The following TTLL11 variants were observed in gnomAD, a reference collection of about 807,000 sequenced individuals.
TTLL11 encodes the protein tubulin polyglutamylase TTLL11.
A neutral mutation model predicts 51.7 loss-of-function variants in TTLL11; 42 were observed. That is an observed-to-expected ratio of 0.81 (90% CI 0.64 to 1.05). TTLL11 has a LOEUF of 1.05. Among genes scored for constraint, TTLL11 ranks in the 50% least tolerant of loss-of-function variants. TTLL11 has a pLI of 0.00. For synonymous variants in TTLL11, 381 were observed against 383.5 expected (o/e 0.99, Z 0.08); for missense variants, 799 against 940.4 (o/e 0.85, Z 1.97).
At chr9:122,032,028 C>A (rs1379370483) in intron 2 of TTLL11, among the ~76,000 whole-genome samples, 172 bp from the exon 3 acceptor site, 3 of 152,184 alleles carry the variant, frequency 2.0e-5, no homozygotes, top group Non-Finnish European at 4.4e-5. Flanking sequence ...TTGGAAAGAA[C>A]TACTGAGTTA....
chr9:122,066,503 GTGA>G (rs978562413), intron 1 of TTLL11, among the ~76,000 whole-genome samples: 4 of 152,118 alleles, frequency 2.6e-5, no homozygotes, highest in Admixed American at 2.6e-4. Flanking sequence ...AGAGCTGACT[GTGA>G]AGACAGGACT....
chr9:121,845,588 C>T (rs1275576711), intron 8 of TTLL11, among the ~76,000 whole-genome samples: 2 of 152,004 alleles, frequency 1.3e-5, no homozygotes, highest in Non-Finnish European at 2.9e-5. Context: ...GTGATTATAG[C>T]TTGGGGATAA....
At chr9:121,948,801 C>T (rs75894540) in intron 6 of TTLL11, among the ~76,000 whole-genome samples, 2,742 of 152,254 alleles carry the variant, frequency 0.018, 88 homozygotes, top group African/African-American at 0.063. Context: ...TGCATGGCTA[C>T]TCAGGGGTCA....
chr9:121,861,084 AGT>A (rs1404953023), intron 7 of TTLL11, among the ~76,000 whole-genome samples: 2 of 122,814 alleles, frequency 1.6e-5, no homozygotes, highest in Non-Finnish European at 3.3e-5. Context: ...AAGCAAGGCA[AGT>A]GTTTTTTTTT....
chr9:121,826,521 A>ATATGTGTGTGTG (rs1836792144), intron 8 of TTLL11, among the ~76,000 whole-genome samples: 2 of 62,446 alleles, frequency 3.2e-5, no homozygotes, highest in Non-Finnish European at 6.4e-5. Context: ...ATATGTATAT[A>ATATGTGTGTGTG]TATATATGTG....
At chr9:122,006,793 C>G (rs1843660752) in intron 3 of TTLL11, among the ~76,000 whole-genome samples, 1 of 151,912 alleles carries the variant, frequency 6.6e-6, no homozygotes, top group Non-Finnish European at 1.5e-5. Context: ...CAAGACCAGC[C>G]TGGCCATCAT....
At chr9:121,936,950 C>T (rs536762903) in intron 6 of TTLL11, among the ~76,000 whole-genome samples, 2 of 152,292 alleles carry the variant, frequency 1.3e-5, no homozygotes, top group South Asian at 2.1e-4. Flanking sequence ...GCTGTTTCTC[C>T]AGGTCTTTGA....
chr9:121,902,224 T>A (rs1200528400), intron 6 of TTLL11, among the ~76,000 whole-genome samples: 1 of 152,196 alleles, frequency 6.6e-6, no homozygotes, highest in East Asian at 1.9e-4. Flanking sequence ...CTATATAAAA[T>A]AGATCCTCCG....
chr9:121,953,982 A>C, intron 6 of TTLL11, among the ~76,000 whole-genome samples: 1 of 152,208 alleles, frequency 6.6e-6, no homozygotes, highest in East Asian at 1.9e-4. Context: ...AGTCAAGCCC[A>C]AGCCCTTGCT....
At position 121,820,034 on chromosome 9, in the gene TTLL11, T is replaced by G. The variant is rs1588045717; in HGVS notation, c.*2553A>C. Among the ~76,000 whole-genome samples the G allele has an allele frequency of 6.6e-6, 1 of 151,920 alleles. No homozygotes were observed. On this transcript the variant is annotated 3_prime_UTR_variant, in exon 9 of 9. Transcript: ENST00000321582. ...GGAGGCTCTGTGCCCTGCGGGTGGG[T>G]GGGGCTATCGGGGCCTTGTCTGCAG...
At chr9:121,979,140 C>T (rs986483869) in intron 4 of TTLL11, among the ~76,000 whole-genome samples, 3 of 152,194 alleles carry the variant, frequency 2.0e-5, no homozygotes, top group Non-Finnish European at 2.9e-5. Flanking sequence ...AGGGAGGCCA[C>T]CTGCCATATT....
chr9:122,053,663 G>T (rs1055574927), intron 1 of TTLL11, among the ~76,000 whole-genome samples: 23 of 152,148 alleles, frequency 1.5e-4, no homozygotes, highest in African/African-American at 5.6e-4. Flanking sequence ...TGGGGACTGG[G>T]CCCAGAAAAA....
chr9:121,826,981 G>A (rs1836830245), intron 8 of TTLL11, among the ~76,000 whole-genome samples: 1 of 152,060 alleles, frequency 6.6e-6, no homozygotes, highest in Non-Finnish European at 1.5e-5. Flanking sequence ...GAGCACCGGT[G>A]GTCACTGTGG....
At chr9:122,030,160 C>A (rs1844488297) in intron 3 of TTLL11, among the ~76,000 whole-genome samples, 1 of 133,894 alleles carries the variant, frequency 7.5e-6, no homozygotes, top group Admixed American at 9.3e-5. Context: ...AGGTATTCCA[C>A]ATAGCAACAA....
chr9:121,874,738 C>T (rs1272340476), intron 6 of TTLL11, among the ~76,000 whole-genome samples: 1 of 151,632 alleles, frequency 6.6e-6, no homozygotes, highest in Non-Finnish European at 1.5e-5. Context: ...GAGTGATGTG[C>T]TCCCTCTCAG....
intron 3 of TTLL11, among the ~76,000 whole-genome samples, chr9:122,026,909 TAAAA>T (rs57149192): frequency 0.06 from 7,152 of 119,922 alleles, 337 homozygotes; most frequent in Admixed American, 0.15. Flanking sequence ...AAGTTCATTC[TAAAA>T]AAAAAAAAAA....
At chr9:121,901,443 C>T (rs1357866966) in intron 6 of TTLL11, among the ~76,000 whole-genome samples, 1 of 152,026 alleles carries the variant, frequency 6.6e-6, no homozygotes, top group African/African-American at 2.4e-5. Context: ...ACTGTGTTTG[C>T]TTCTGTCATG....
chr9:121,824,597 A>T (rs1836693031), intron 8 of TTLL11, among the ~76,000 whole-genome samples: 1 of 152,100 alleles, frequency 6.6e-6, no homozygotes, highest in Admixed American at 6.6e-5. Flanking sequence ...CATGTTTTTT[A>T]ACTAAGTTGT....
rs1844554432 is a variant in TTLL11, at chr9:122,031,746, C to T, written c.670G>A (p.Glu224Lys). The T allele has an allele frequency of 6.2e-7, 1 of 1,612,760 alleles. No homozygotes were observed. The highest frequency in any genetic ancestry group is 1.1e-5 in the South Asian group (1 of 91,014). Residue 224 changes from glutamate (E) to lysine (K), a missense_variant, in exon 3 of 9, where the codon GAG becomes AAG. Glu to Lys is a moderately conservative substitution (Grantham distance 56). This residue lies in a region of TTLL11 where 468 missense variants were observed against 612.8 expected (regional missense o/e 0.76). Coordinates refer to ENST00000321582, the MANE Select transcript of TTLL11 (RefSeq NM_001139442.2). ...FYPRSWILPD[E>K]FQLFVAQVQM... ...ACCTGAGCAACAAAGAGCTGGAACT[C>T]GTCAGGCAGAATCCATGAGCGAGGG...
Sources: allele counts gnomAD v4.1 joint callset (sites outside exome capture counted in the v4.1 genomes callset), GRCh38; gene constraint gnomAD v4.1.1; regional missense constraint gnomAD v4.1.1; transcripts MANE v1.5; gene names NCBI Gene and HGNC (gene_info 2026-07-23, HGNC 2026-07-21).